The following GUCA1C variants were observed in gnomAD, a reference collection of about 807,000 sequenced individuals.
GUCA1C encodes the protein guanylate cyclase activator 1C.
A neutral mutation model predicts 16.2 loss-of-function variants in GUCA1C; 15 were observed. The observed-to-expected ratio is 0.93, with a 90% CI of 0.62 to 1.43. The LOEUF is 1.43. Ranked by LOEUF, GUCA1C falls within the 40% of genes most tolerant of loss-of-function variation. The pLI, the probability that GUCA1C is intolerant of heterozygous loss-of-function variation, is 0.00. For synonymous variants in GUCA1C, 78 were observed against 85.4 expected, an observed-to-expected ratio of 0.91 and a Z score of 0.48; for missense variants, 275 against 244.8, an observed-to-expected ratio of 1.12 and a Z score of -0.82.
At chr3:108,944,487 A>G (rs1031485639) in intron 1 of GUCA1C, among the ~76,000 whole-genome samples, 1 of 152,144 alleles carries the variant, frequency 6.6e-6, no homozygotes, top group African/African-American at 2.4e-5. Context: ...GAGGTCAGTA[A>G]GGGGAGGGTC....
rs140201216 is a variant in GUCA1C at position 108,942,490 on chromosome 3, C to T, written c.204+11069G>A. Among the ~76,000 whole-genome samples, 277 of 152,268 alleles carry T rather than the reference C, an allele frequency of 1.8e-3. 2 individuals are homozygous for T. The highest frequency in any genetic ancestry group is 5.5e-3 in the African/African-American group (229 of 41,544). ...TTCCTCACCTAGGTTATAAATTATT[C>T]GAGGGAACAGAAAATCATGTTTTCT... is the stretch of plus-strand genomic sequence containing the variant. On this transcript the variant is annotated intron_variant, in intron 1 of 3. Transcript: ENST00000261047.
chr3:108,946,329 G>T (rs185457163), intron 1 of GUCA1C, among the ~76,000 whole-genome samples: 228 of 152,124 alleles, frequency 1.5e-3, no homozygotes, highest in African/African-American at 5.4e-3. Context: ...ACAAGGTTTT[G>T]CTATGTTGCC....
intron 1 of GUCA1C, among the ~76,000 whole-genome samples, chr3:108,951,094 T>TA (rs537281500): frequency 0.011 from 1,717 of 149,432 alleles, 20 homozygotes; most frequent in South Asian, 0.024. Context: ...ATGTGGAATC[T>TA]AAAAAAAAAA....
chr3:108,951,963 G>C (rs1946900033), intron 1 of GUCA1C, among the ~76,000 whole-genome samples: 1 of 152,216 alleles, frequency 6.6e-6, no homozygotes, highest in African/African-American at 2.4e-5. Context: ...GTGAACCACT[G>C]ACATGTACAA....
chr3:108,954,328 TATA>T (rs1365780223), upstream of GUCA1C, among the ~76,000 whole-genome samples: 3 of 152,188 alleles, frequency 2.0e-5, no homozygotes, highest in Non-Finnish European at 4.4e-5. Flanking sequence ...GAAGTCTATG[TATA>T]AGAGAGAAAA....
chr3:108,912,099 G>A (rs1330357111), intron 3 of GUCA1C, among the ~76,000 whole-genome samples: 1 of 8,678 alleles, frequency 1.2e-4, no homozygotes, highest in East Asian at 8.6e-3. Context: ...GAGAGACTCC[G>A]TCTCAATAAT....
chr3:108,919,049 A>G (rs1210539554), intron 2 of GUCA1C, among the ~76,000 whole-genome samples: 2 of 152,044 alleles, frequency 1.3e-5, no homozygotes, highest in East Asian at 3.8e-4. Flanking sequence ...CATTTCCCGG[A>G]ATGTTTTCTC....
intron 3 of GUCA1C, among the ~76,000 whole-genome samples, chr3:108,912,313 A>G (rs1402268578): frequency 6.6e-6 from 1 of 151,832 alleles, no homozygotes; most frequent in Non-Finnish European, 1.5e-5. Flanking sequence ...TAAATAGAGC[A>G]TGGTAGAATA....
intron 1 of GUCA1C, among the ~76,000 whole-genome samples, chr3:108,923,416 C>G (rs1004916383): frequency 6.6e-6 from 1 of 152,128 alleles, no homozygotes; most frequent in African/African-American, 2.4e-5. Flanking sequence ...TGTTCTTTCC[C>G]CCACTTTATG....
intron 1 of GUCA1C, among the ~76,000 whole-genome samples, chr3:108,920,920 T>C (rs1946564145): frequency 6.6e-6 from 1 of 152,162 alleles, no homozygotes; most frequent in African/African-American, 2.4e-5. Flanking sequence ...TTTGTTACAG[T>C]TGCTGAACCT....
At chr3:108,950,330 T>TGCAATA (rs1347297657) in intron 1 of GUCA1C, among the ~76,000 whole-genome samples, 1 of 152,224 alleles carries the variant, frequency 6.6e-6, no homozygotes, top group Non-Finnish European at 1.5e-5. Flanking sequence ...ATATCTTGCC[T>TGCAATA]GTTGTGAATA....
chr3:108,909,020 G>C (rs77126503), intron 3 of GUCA1C, among the ~76,000 whole-genome samples: 3,245 of 152,266 alleles, frequency 0.021, 119 homozygotes, highest in African/African-American at 0.071. Flanking sequence ...GACGGACGGA[G>C]TGCATTCAAG....
chr3:108,942,911 A>G (rs1297101619), intron 1 of GUCA1C, among the ~76,000 whole-genome samples: 5 of 152,184 alleles, frequency 3.3e-5, no homozygotes, highest in African/African-American at 1.2e-4. Flanking sequence ...GATGTTAACT[A>G]TGTGAGTTTG....
intron 3 of GUCA1C, among the ~76,000 whole-genome samples, chr3:108,908,992 A>T (rs538207304): frequency 6.6e-6 from 1 of 152,310 alleles, no homozygotes; most frequent in Non-Finnish European, 1.5e-5. Context: ...AGGTTTGTGG[A>T]TGGATAGATC....
chr3:108,922,186 CACACACACACACACACATATAT>C (rs1559842398), intron 1 of GUCA1C, among the ~76,000 whole-genome samples: 1 of 41,988 alleles, frequency 2.4e-5, no homozygotes, highest in Non-Finnish European at 8.0e-5. Context: ...CACACACACA[CACACACACACACACACATATAT>C]ATATGGATAA....
chr3:108,921,064 T>C (rs1235546563), intron 1 of GUCA1C, among the ~76,000 whole-genome samples: 1 of 152,182 alleles, frequency 6.6e-6, no homozygotes, highest in African/African-American at 2.4e-5. Context: ...AGTTTTGCTA[T>C]CCTAAAATTC....
At chr3:108,921,508 T>G (rs1946568643) in intron 1 of GUCA1C, among the ~76,000 whole-genome samples, 1 of 152,220 alleles carries the variant, frequency 6.6e-6, no homozygotes, top group African/African-American at 2.4e-5. Flanking sequence ...TTTAAGAAAC[T>G]GCCAAACTAT....
intron 1 of GUCA1C, among the ~76,000 whole-genome samples, chr3:108,935,067 C>G (rs1946711234): frequency 1.3e-5 from 2 of 151,858 alleles, no homozygotes; most frequent in African/African-American, 4.8e-5. Context: ...CCCGCCTCGG[C>G]CTCCCAAAGT....
chr3:108,921,851 T>A (rs1255166854), intron 1 of GUCA1C, among the ~76,000 whole-genome samples: 1 of 152,252 alleles, frequency 6.6e-6, no homozygotes, highest in African/African-American at 2.4e-5. Context: ...CGTTTTTTAG[T>A]GGTGATTTCT....
Sources: allele counts gnomAD v4.1 joint callset (sites outside exome capture counted in the v4.1 genomes callset), GRCh38; gene constraint gnomAD v4.1.1; transcripts MANE v1.5; gene names NCBI Gene and HGNC (gene_info 2026-07-23, HGNC 2026-07-21).